The following HGF variants were observed in gnomAD, a reference collection of about 807,000 sequenced individuals.
The protein encoded by HGF is fibroblast-derived tumor cytotoxic factor.
A neutral mutation model predicts 111.6 loss-of-function variants in HGF; 39 were observed. The ratio of observed to expected loss-of-function variants is 0.35; its 90% CI spans 0.27 to 0.46. The LOEUF is 0.46. Among genes scored for constraint, HGF ranks in the 20% least tolerant of loss-of-function variants. The probability of loss-of-function intolerance (pLI) is 1.00; values close to 1 mark genes in which losing one functional copy is unlikely to be tolerated. For missense variants in HGF, 735 were observed against 910.5 expected (o/e 0.81, Z 2.48); for synonymous variants, 285 against 294.8 (o/e 0.97, Z 0.34).
rs1023666127 is a variant in HGF, at chr7:81,758,866, G to A, written c.255-62C>T. The A allele has an allele frequency of 5.0e-5, 53 of 1,064,982 alleles. No individual in the cohort carries two copies. The East Asian group carries it at 1.2e-3, about 25-fold the overall frequency. 66.0% of individuals were successfully genotyped at this position (1,064,982 alleles called of 1,614,324 possible). A position where few individuals can be genotyped will look rare whatever the true frequency, so the allele number is the denominator to read the frequency against. ...CTATTTATACAGTATTTAAAGAATGGGCATATGGTTCATCTTGTCCATGGG... is the reference window on the plus strand; with the variant it reads ...CTATTTATACAGTATTTAAAGAATGAGCATATGGTTCATCTTGTCCATGGG... On this transcript the variant is annotated intron_variant, in intron 2 of 17. Coordinates refer to ENST00000222390, the MANE Select transcript of HGF (RefSeq NM_000601.6).
intron 1 of HGF, 84 bp from the exon 2 acceptor site, chr7:81,762,956 T>G: frequency 1.2e-6 from 1 of 826,436 alleles, no homozygotes. Flanking sequence ...CTAAGGATCA[T>G]CTACAAGAAA....
chr7:81,718,471 T>C (rs1789771584), intron 10 of HGF, among the ~76,000 whole-genome samples: 1 of 152,192 alleles, frequency 6.6e-6, no homozygotes, highest in African/African-American at 2.4e-5. Context: ...CAAGAGTCAG[T>C]GCTCAAAACC....
rs750217931 is a variant in HGF, at chr7:81,729,656, T to A, written c.989A>T (p.Asp330Val). 2.0e-5 allele frequency: 33 copies of A among 1,613,972 alleles called. No homozygotes were observed. The East Asian group carries it at 7.4e-4, about 36-fold the overall frequency. Residue 330 changes from aspartate to valine, a missense_variant, in exon 8 of 18, where the codon GAT becomes GTT. By Grantham distance (152) the Asp-to-Val change is radical (BLOSUM62 -3). Transcript: ENST00000222390. ...IWNGIPCQRW[D>V]SQYPHEHDMT... ...GTCATGCTCGTGAGGATACTGAGAA[T>A]CCCAACGCTGACATGGAATTCCATT...
intron 1 of HGF, among the ~76,000 whole-genome samples, chr7:81,766,104 C>T (rs1584022296): frequency 6.6e-6 from 1 of 152,118 alleles, no homozygotes; most frequent in African/African-American, 2.4e-5. Flanking sequence ...TAGTGAAAAC[C>T]TACACACAGA....
In HGF at chr7:81,769,887, C is replaced by G. The variant is rs1789545016; in HGVS notation, c.85G>C (p.Ala29Pro). 2 of 1,563,456 alleles carry G rather than the reference C, an allele frequency of 1.3e-6. No individual in the cohort carries two copies. The highest frequency in any genetic ancestry group is 1.4e-5 in the African/African-American group (1 of 73,682). The change falls in exon 1 of 18, where the codon GCA becomes CCA. Residue 29 changes from alanine (A) to proline (P), a missense_variant. Ala to Pro is a conservative substitution (Grantham distance 27). Transcript: ENST00000222390. ...GAAGAAGAAGAAGGGAACTAACCTGCATAGGGGATGGCGATGGGGAGCAGG... is the reference window on the plus strand; with the variant it reads ...GAAGAAGAAGAAGGGAACTAACCTGGATAGGGGATGGCGATGGGGAGCAGG... ...LLLLPIAIPY[A>P]EGQRKRRNTI...
At chr7:81,711,106 C>T (rs1056255648) in intron 12 of HGF, among the ~76,000 whole-genome samples, 2 of 152,278 alleles carry the variant, frequency 1.3e-5, no homozygotes, top group East Asian at 1.9e-4. Context: ...CACTGAATAA[C>T]TTTCCAACTT....
chr7:81,702,335 C>G lies in HGF; in HGVS notation c.*246G>C. 1 of 421,790 alleles carries G rather than the reference C, an allele frequency of 2.4e-6. No homozygotes were observed. The highest frequency in any genetic ancestry group is 4.3e-6 in the Non-Finnish European group (1 of 233,668). 26.1% of individuals were successfully genotyped at this position (421,790 alleles called of 1,614,324 possible). On this transcript the variant is annotated 3_prime_UTR_variant, in exon 18 of 18. Transcript: ENST00000222390. ...TACCTGTGTGTTTTTTTAATCCATT[C>G]AAGTATCTTCAGGAGATATGTTATT...
chr7:81,762,651 A>T, intron 2 of HGF, 56 bp downstream of exon 2: 1 of 1,212,014 alleles, frequency 8.3e-7, no homozygotes, highest in Non-Finnish European at 1.2e-6. Context: ...ACATGATTAT[A>T]ATACATGCAT....
chr7:81,732,806 A>G (rs1787709320), intron 7 of HGF, among the ~76,000 whole-genome samples: 1 of 152,184 alleles, frequency 6.6e-6, no homozygotes, highest in Non-Finnish European at 1.5e-5. Flanking sequence ...TTTGAGAGCA[A>G]ATTTTGAAAT....
intron 11 of HGF, 147 bp from the exon 12 acceptor site, chr7:81,711,666 CAG>C (rs1460528066): frequency 6.1e-6 from 3 of 494,150 alleles, no homozygotes; most frequent in South Asian, 5.3e-5. Context: ...TGTTTTGAGA[CAG>C]AGTCTCATTC....
At chr7:81,705,902 A>C in intron 15 of HGF, 149 bp from the exon 16 acceptor site, 4 of 647,738 alleles carry the variant, frequency 6.2e-6, no homozygotes, top group Non-Finnish European at 1.1e-5. Flanking sequence ...GGAATGTCCA[A>C]ATGTAATGAT....
rs1789427642 is a variant in HGF at position 81,706,378 on chromosome 7, T to C, written c.1666A>G (p.Arg556Gly). The change falls in exon 15 of 18, where the codon AGA (arginine) becomes GGA (glycine). Residue 556 changes from arginine to glycine, a missense_variant. Physicochemically the swap from Arg to Gly is moderately radical, Grantham distance 125. Around this residue, in one of 3 missense-constraint regions of HGF, gnomAD observed 130 missense variants for 129.9 expected, o/e 1.00. Transcript: ENST00000222390. ...ACCTGTTTGCATTTCTCATCTCCTC[T>C]TCCGTGGACATCATGAATTCCAAGC... Reference protein sequence around the residue: ...AWLGIHDVHGRGDEKCKQVLN... With the variant: ...AWLGIHDVHGGGDEKCKQVLN... 5 of 1,612,026 alleles carry C rather than the reference T, an allele frequency of 3.1e-6. No homozygotes were observed. The Admixed American group carries it at 8.3e-5, about 27-fold the overall frequency.
rs5745732 is a variant in HGF at position 81,716,073 on chromosome 7, G to A, written c.1405+1159C>T. ...TTTCACTCAATAACATATTTAAGACGTACTTCCATCTCAATACGTATTACT... is the reference window on the plus strand; with the variant it reads ...TTTCACTCAATAACATATTTAAGACATACTTCCATCTCAATACGTATTACT... On this transcript the variant is annotated intron_variant, in intron 11 of 17. Coordinates refer to ENST00000222390, the MANE Select transcript of HGF (RefSeq NM_000601.6). Among the ~76,000 whole-genome samples the A allele has an allele frequency of 8.4e-3, 1,282 of 152,174 alleles. 17 individuals are homozygous for A. Among genetic ancestry groups the A allele is most frequent in the African/African-American group, 0.029 (1,192 of 41,526 alleles).
chr7:81,767,432 G>T (rs1186389816), intron 1 of HGF, among the ~76,000 whole-genome samples: 5 of 152,100 alleles, frequency 3.3e-5, no homozygotes, highest in African/African-American at 1.2e-4. Context: ...AATCTTATTA[G>T]AATTAAGTGA....
rs970756417 is a variant in HGF at position 81,752,252 on chromosome 7, A to G, written c.493T>C (p.Ser165Pro). ...TGTAGGTCTTTACCCCGATAGCTCG[A>G]AGGCAAAAAGCTAGTTTTAAAATGA... ...MIPHEHSFLP[S>P]SYRGKDLQEN... The change falls in exon 5 of 18, where the codon TCG becomes CCG. Residue 165 changes from serine to proline, a missense_variant. Physicochemically the swap from Ser to Pro is moderately conservative, Grantham distance 74 (BLOSUM62 -1). Transcript: ENST00000222390. The G allele has an allele frequency of 1.2e-5, 19 of 1,613,314 alleles. No individual in the cohort carries two copies. Among genetic ancestry groups the G allele is most frequent in the Non-Finnish European group, 1.5e-5 (18 of 1,179,436 alleles).
At chr7:81,763,269 C>T (rs535831346) in intron 1 of HGF, among the ~76,000 whole-genome samples, 4 of 152,168 alleles carry the variant, frequency 2.6e-5, no homozygotes, top group Non-Finnish European at 4.4e-5. Context: ...TCCTCATATA[C>T]GTTATAGTAT....
chr7:81,743,542 A>C, intron 6 of HGF, 71 bp from the exon 7 acceptor site: 1 of 982,276 alleles, frequency 1.0e-6, no homozygotes, highest in Non-Finnish European at 1.7e-6. Flanking sequence ...AGCTCACAAA[A>C]TAACTTTCCA....
At chr7:81,705,622 C>A (rs931329793) in intron 16 of HGF, 25 bp downstream of exon 16, 1 of 1,591,416 alleles carries the variant, frequency 6.3e-7, no homozygotes, top group Non-Finnish European at 8.6e-7. Flanking sequence ...ATAAATATGG[C>A]CTCATCTTTT....
At chr7:81,706,515 TAA>T in intron 14 of HGF, 88 bp from the exon 15 acceptor site, 2 of 1,049,840 alleles carry the variant, frequency 1.9e-6, no homozygotes, top group South Asian at 2.7e-5. Flanking sequence ...TTTAGACTAT[TAA>T]GGCACATAAC....
Sources: gnomAD v4.1 joint callset for allele counts (sites outside exome capture counted in the v4.1 genomes callset) on GRCh38, gnomAD v4.1.1 for gene constraint, gnomAD v4.1.1 regional missense constraint, MANE v1.5 for transcripts, NCBI Gene and HGNC (gene_info 2026-07-23, HGNC 2026-07-21) for gene names.